TDRD5: variants seen among roughly 807,000 people sequenced by gnomAD.
The protein encoded by TDRD5 is tudor domain containing 5.
A neutral mutation model predicts 120.6 loss-of-function variants in TDRD5; 41 were observed. The ratio of observed to expected loss-of-function variants is 0.34; its 90% CI spans 0.26 to 0.44. The LOEUF is 0.44. Among genes scored for constraint, TDRD5 ranks in the 20% least tolerant of loss-of-function variants. The pLI is 1.00. For synonymous variants in TDRD5, 430 were observed against 433.7 expected, an observed-to-expected ratio of 0.99 and a Z score of 0.11; for missense variants, 1,006 against 1,221.2, an observed-to-expected ratio of 0.82 and a Z score of 2.63.
At position 179,691,268 on chromosome 1, in the gene TDRD5, A is replaced by G. The variant is rs984208742; in HGVS notation, c.*325A>G. Reference sequence around the variant, plus strand: ...ATGACTGATAAATGAAAATTGAAAAACTAATGTTTGTGATCTATATTTGGC... The same window carrying G: ...ATGACTGATAAATGAAAATTGAAAAGCTAATGTTTGTGATCTATATTTGGC... On this transcript the variant is annotated 3_prime_UTR_variant, in exon 18 of 18. Transcript: ENST00000444136. 58 of 216,076 alleles carry G rather than the reference A, an allele frequency of 2.7e-4. No individual in the cohort carries two copies. The highest frequency in any genetic ancestry group is 1.0e-4 in the Non-Finnish European group (11 of 106,380). The allele number at this position is 216,076 out of a possible 1,614,324, so 13.4% of individuals were successfully genotyped here.
intron 9 of TDRD5, among the ~76,000 whole-genome samples, chr1:179,639,561 G>T (rs938845278): frequency 6.6e-6 from 1 of 152,146 alleles, no homozygotes; most frequent in African/African-American, 2.4e-5. Flanking sequence ...ATTTATCCTA[G>T]GCAGTACTGG....
chr1:179,617,690 C>G (rs1292716416), intron 4 of TDRD5, among the ~76,000 whole-genome samples: 1 of 152,000 alleles, frequency 6.6e-6, no homozygotes, highest in African/African-American at 2.4e-5. Context: ...ATCTTTCACT[C>G]TGCTTTAGTT....
intron 13 of TDRD5, among the ~76,000 whole-genome samples, chr1:179,653,897 T>G (rs998271440): frequency 1.3e-5 from 2 of 152,216 alleles, no homozygotes; most frequent in Non-Finnish European, 2.9e-5. Context: ...TGGTTGTACT[T>G]GGAAGACTGA....
At chr1:179,623,705 G>T (rs1196146219) in intron 6 of TDRD5, among the ~76,000 whole-genome samples, 1 of 145,318 alleles carries the variant, frequency 6.9e-6, no homozygotes, top group African/African-American at 2.6e-5. Flanking sequence ...ATGATCTTGG[G>T]TTACTGCAGC....
intron 4 of TDRD5, among the ~76,000 whole-genome samples, chr1:179,596,226 A>G (rs1675384233): frequency 1.3e-5 from 2 of 152,202 alleles, no homozygotes; most frequent in South Asian, 4.1e-4. Context: ...AATATAACCA[A>G]TAAATGCCTG....
rs183485698 is a variant in TDRD5, at chr1:179,627,237, C to G, written c.973-3530C>G. On this transcript the variant is annotated intron_variant, in intron 6 of 17. Transcript: ENST00000444136. ...AGAACTCTTGTTCCCATGAGCCCTT[C>G]CTGAGGAATCTACTGGAGAATGAAC... Among the ~76,000 whole-genome samples, 4 of 152,250 alleles carry G rather than the reference C, an allele frequency of 2.6e-5. No homozygotes were observed. In the East Asian group the frequency reaches 7.7e-4, roughly 29 times the overall value.
chr1:179,647,425 C>G (rs2102049609), intron 11 of TDRD5, among the ~76,000 whole-genome samples: 1 of 152,172 alleles, frequency 6.6e-6, no homozygotes, highest in Admixed American at 6.5e-5. Context: ...TGGATCCCTT[C>G]CTTACACCTT....
chr1:179,602,142 C>T (rs921299268), intron 4 of TDRD5, among the ~76,000 whole-genome samples: 4 of 152,164 alleles, frequency 2.6e-5, no homozygotes, highest in Non-Finnish European at 5.9e-5. Context: ...ACAGTGTTTT[C>T]CTTAGCAGCT....
Position 179,630,702 on chromosome 1 carries a change from A to G in TDRD5, c.973-65A>G, listed in dbSNP as rs1030310242. ...AGATTTAGTTTGGTTGTCCAAGGAC[A>G]ACTATATATGTTATATATCTGTTAT... On this transcript the variant is annotated intron_variant, in intron 6 of 17. Transcript: ENST00000444136. The G allele has an allele frequency of 3.3e-6, 5 of 1,527,536 alleles. No individual in the cohort carries two copies. In the African/African-American group the frequency reaches 6.9e-5, roughly 21 times the overall value. The allele number at this position is 1,527,536 out of a possible 1,614,324, so 94.6% of individuals were successfully genotyped here.
chr1:179,635,645 AT>A (rs538293367), intron 8 of TDRD5, 21 bp from the exon 9 acceptor site: 280 of 1,516,960 alleles, frequency 1.8e-4, no homozygotes, highest in African/African-American at 8.5e-4. Flanking sequence ...GAGATTTTTA[AT>A]TTTTTTTTTC....
chr1:179,608,624 A>G (rs1676116030), intron 4 of TDRD5, among the ~76,000 whole-genome samples: 1 of 151,818 alleles, frequency 6.6e-6, no homozygotes, highest in Non-Finnish European at 1.5e-5. Flanking sequence ...TAATATACTC[A>G]TTTCTTCTAT....
intron 11 of TDRD5, among the ~76,000 whole-genome samples, chr1:179,649,464 T>C (rs7522553): frequency 0.43 from 65,327 of 151,858 alleles, 14,177 homozygotes; most frequent in Admixed American, 0.47. Flanking sequence ...GAAATTTTTT[T>C]CAAAATACCT....
chr1:179,628,449 C>T (rs1195424636), intron 6 of TDRD5, among the ~76,000 whole-genome samples: 2 of 142,450 alleles, frequency 1.4e-5, no homozygotes, highest in Non-Finnish European at 3.0e-5. Context: ...CAGGCACATG[C>T]TACCATGTCC....
At chr1:179,632,521 T>C (rs1677514990) in intron 7 of TDRD5, among the ~76,000 whole-genome samples, 1 of 152,106 alleles carries the variant, frequency 6.6e-6, no homozygotes, top group Non-Finnish European at 1.5e-5. Context: ...TCTATTATTT[T>C]ATCCACCCCC....
At chr1:179,674,712 C>T (rs1335234842) in intron 17 of TDRD5, among the ~76,000 whole-genome samples, 2 of 152,146 alleles carry the variant, frequency 1.3e-5, no homozygotes, top group African/African-American at 4.8e-5. Flanking sequence ...CCATTTCAAT[C>T]TCACTGCTTG....
intron 17 of TDRD5, among the ~76,000 whole-genome samples, chr1:179,680,567 A>C (rs1680368787): frequency 6.6e-6 from 1 of 152,194 alleles, no homozygotes; most frequent in African/African-American, 2.4e-5. Context: ...AAATCTATTT[A>C]GTTGATATGA....
At position 179,635,804 on chromosome 1, in the gene TDRD5, T is replaced by C. The variant is rs769651692; in HGVS notation, c.1437T>C (p.Tyr479=). ...CCCTCATAGGGGTCTTTGTGGAGTA[T>C]ATCATCTCTCCTAGTCAATTCTACA... ...TSSLIGVFVE[Y]IISPSQFYIR... is the part of the protein sequence containing the mutation. Residue 479 remains tyrosine, a synonymous_variant, in exon 9 of 18, where the codon TAT becomes TAC. Coordinates refer to ENST00000444136, the MANE Select transcript of TDRD5 (RefSeq NM_001199085.3). 5.0e-6 allele frequency: 8 copies of C among 1,614,048 alleles called. No homozygotes were observed. Among genetic ancestry groups the C allele is most frequent in the Non-Finnish European group, 6.8e-6 (8 of 1,180,000 alleles).
chr1:179,680,038 A>G (rs749757033), intron 17 of TDRD5, among the ~76,000 whole-genome samples: 8 of 152,164 alleles, frequency 5.3e-5, no homozygotes, highest in Admixed American at 1.3e-4. Flanking sequence ...ATTTCAAAAT[A>G]TAATTTCCCT....
rs775679670 is a variant in TDRD5 at position 179,652,175 on chromosome 1, A to G, written c.2138A>G (p.Lys713Arg). The part of the protein sequence containing the change: ...NEDRKISPQS[K>R]ESELRILQDI... ...GACCGAAAGATAAGTCCACAGTCAA[A>G]AGAGAGTGAGTTACGTATCTTGGTA... The change falls in exon 13 of 18, where the codon AAA (lysine) becomes AGA (arginine). Residue 713 changes from lysine (K) to arginine (R), a missense_variant. This residue lies in a region of TDRD5 where 403 missense variants were observed against 448.1 expected (regional missense o/e 0.90). Coordinates refer to ENST00000444136, the MANE Select transcript of TDRD5 (RefSeq NM_001199085.3). The G allele has an allele frequency of 9.3e-6, 15 of 1,611,274 alleles. No homozygotes were observed. The African/African-American group carries it at 2.0e-4, about 22-fold the overall frequency.
Sources: allele counts gnomAD v4.1 joint callset (sites outside exome capture counted in the v4.1 genomes callset), GRCh38; gene constraint gnomAD v4.1.1; regional missense constraint gnomAD v4.1.1; transcripts MANE v1.5; gene names NCBI Gene and HGNC (gene_info 2026-07-23, HGNC 2026-07-21).